TRAPPC14: variants seen among roughly 807,000 people sequenced by gnomAD.
TRAPPC14 encodes trafficking protein particle complex subunit 14, also known as microtubule associated protein 11.
A neutral mutation model predicts 56.6 loss-of-function variants in TRAPPC14; 24 were observed. The observed-to-expected ratio is 0.42, with a 90% confidence interval of 0.31 to 0.60. The LOEUF is 0.60. Among genes scored for constraint, TRAPPC14 ranks in the 20% least tolerant of loss-of-function variants. The pLI, the probability that TRAPPC14 is intolerant of heterozygous loss-of-function variation, is 0.14. For synonymous variants in TRAPPC14, 377 were observed against 347.0 expected, an observed-to-expected ratio of 1.09 and a Z score of -0.96; for missense variants, 615 against 790.3, an observed-to-expected ratio of 0.78 and a Z score of 2.66.
At chr7:100,156,218 G>C (rs937618649) in intron 8 of TRAPPC14, 168 bp downstream of exon 8, 5 of 653,122 alleles carry the variant, frequency 7.7e-6, no homozygotes, top group Non-Finnish European at 1.3e-5. Flanking sequence ...TCTCCATCTA[G>C]GACACTGGGG....
intron 7 of TRAPPC14, 28 bp from the exon 8 acceptor site, chr7:100,156,577 CTGTG>C (rs751363451): frequency 5.6e-6 from 9 of 1,612,764 alleles, no homozygotes; most frequent in South Asian, 2.2e-5. Flanking sequence ...GGGATGCTGG[CTGTG>C]TGTGTCAGGC....
chr7:100,157,178 C>A lies in TRAPPC14; in HGVS notation c.761G>T (p.Trp254Leu). Residue 254 changes from tryptophan to leucine, a missense_variant, in exon 5 of 11, where the codon TGG (tryptophan) becomes TTG (leucine). Coordinates refer to ENST00000316937, the MANE Select transcript of TRAPPC14 (RefSeq NM_018275.5). ...NSSSQEEISI[W>L]DIRILPNFNA... is the part of the protein sequence containing the mutation. The stretch of plus-strand genomic sequence containing the variant: ...GAAGTTGGGGAGGATTCGGATATCC[C>A]AGATGGAGATTTCCTCCTGAGAGGA... The A allele has an allele frequency of 6.2e-7, 1 of 1,614,150 alleles. No homozygotes were observed. Among genetic ancestry groups the A allele is most frequent in the South Asian group, 1.1e-5 (1 of 91,062 alleles).
Position 100,156,992 on chromosome 7 carries a change from A to T in TRAPPC14, c.846T>A (p.Cys282Ter), listed in dbSNP as rs1486798931. The change falls in exon 6 of 11, where the codon TGT (cysteine) becomes TGA (stop). Residue 282 changes from cysteine (C) to a stop codon, truncating the protein, a stop_gained and splice_region_variant. Coordinates refer to ENST00000316937, the MANE Select transcript of TRAPPC14 (RefSeq NM_018275.5). LOFTEE classifies it high-confidence loss of function. ...CCATGGAGACTTCCCCAGACTGGTG[A>T]CTAGCTCAGAAAAGAGGACAAGGCA... ...DGSVLLVDNVCHQSGEVSMGS... is the reference protein window; with the variant it reads ...DGSVLLVDNV 1 of 1,614,032 alleles carries T rather than the reference A, an allele frequency of 6.2e-7. No individual in the cohort carries two copies. The highest frequency in any genetic ancestry group is 8.5e-7 in the Non-Finnish European group (1 of 1,179,968).
At chr7:100,156,240 G>T (rs1199707565) in intron 8 of TRAPPC14, 146 bp downstream of exon 8, 1 of 739,614 alleles carries the variant, frequency 1.4e-6, no homozygotes. Context: ...GACCACCCAG[G>T]TACAGGGCGG....
chr7:100,156,866 C>G lies in TRAPPC14; in HGVS notation c.972G>C (p.Gln324His). 1 of 1,614,096 alleles carries G rather than the reference C, an allele frequency of 6.2e-7. No homozygotes were observed. Among genetic ancestry groups the G allele is most frequent in the Non-Finnish European group, 8.5e-7 (1 of 1,180,024 alleles). The change falls in exon 6 of 11, where the codon CAG becomes CAC. Residue 324 changes from glutamine (Q) to histidine (H), a missense_variant. Gln to His is a conservative substitution (Grantham distance 24). Coordinates refer to ENST00000316937, the MANE Select transcript of TRAPPC14 (RefSeq NM_018275.5). ...NFLFQLRGGEQPPPGAKEGLE... is the reference protein window; with the variant it reads ...NFLFQLRGGEHPPPGAKEGLE... ...TCACCTCCTTGGCCCCTGGAGGGGG[C>G]TGCTCACCCCCTCTCAGCTGAAACA...
chr7:100,156,648 G>T lies in TRAPPC14; in HGVS notation c.1062C>A (p.Ile354=). The change falls in exon 7 of 11, where the codon ATC becomes ATA. Residue 354 remains isoleucine, a synonymous_variant. Transcript: ENST00000316937. ...STPKLPFTQS[I]YTHYRLPSVR... ...TCCACACTCACCGGTAGTGGGTGTA[G>T]ATGCTCTGAGTGAAGGGCAGCTTTG... is the stretch of plus-strand genomic sequence containing the variant. 6.2e-7 allele frequency: 1 copy of T among 1,612,640 alleles called. No homozygotes were observed. Among genetic ancestry groups the T allele is most frequent in the Middle Eastern group, 1.7e-4 (1 of 6,056 alleles).
At position 100,158,194 on chromosome 7, in the gene TRAPPC14, C is replaced by T. The variant is rs759151821; in HGVS notation, c.306G>A (p.Ser102=). The T allele has an allele frequency of 1.9e-5, 27 of 1,456,546 alleles. No individual in the cohort carries two copies. In the South Asian group the frequency reaches 3.5e-4, roughly 19 times the overall value. The allele number at this position is 1,456,546 out of a possible 1,614,324, so 90.2% of individuals were successfully genotyped here. ...PGGGGAGDQD[S]EPPGGGDPGG... is the part of the protein sequence containing the mutation. ...CAGGATCCCCTCCCCCTGGGGGCTC[C>T]GAATCCTGGTCGCCGGCGCCGCCGC... The change falls in exon 1 of 11, where the codon TCG becomes TCA. Residue 102 remains serine, a synonymous_variant. Coordinates refer to ENST00000316937, the MANE Select transcript of TRAPPC14 (RefSeq NM_018275.5).
chr7:100,155,640 C>T, intron 9 of TRAPPC14, 31 bp downstream of exon 9: 1 of 1,566,696 alleles, frequency 6.4e-7, no homozygotes. Flanking sequence ...CTGCATCACT[C>T]AGCACTCAGC....
rs1236455413 is a variant in TRAPPC14, at chr7:100,154,942, C to A, written c.*69G>T. The A allele has an allele frequency of 6.5e-7, 1 of 1,539,754 alleles. No homozygotes were observed. Among genetic ancestry groups the A allele is most frequent in the Admixed American group, 1.7e-5 (1 of 59,598 alleles). Reference sequence around the variant, plus strand: ...GAGGCATCCCAGGGGAGGCACAGCCCGGGAGCAGGGATCCCCTCTGGGGGC... The same window carrying A: ...GAGGCATCCCAGGGGAGGCACAGCCAGGGAGCAGGGATCCCCTCTGGGGGC... On this transcript the variant is annotated 3_prime_UTR_variant, in exon 11 of 11. Coordinates refer to ENST00000316937, the MANE Select transcript of TRAPPC14 (RefSeq NM_018275.5).
chr7:100,155,186 G>A (rs1466211661), intron 10 of TRAPPC14, 22 bp from the exon 11 acceptor site: 2 of 1,609,390 alleles, frequency 1.2e-6, no homozygotes, highest in East Asian at 2.2e-5. Flanking sequence ...CAGAGGCTGT[G>A]GGCGCTGGTC....
At chr7:100,156,064 G>A (rs1798873634) in intron 8 of TRAPPC14, 1 of 690,046 alleles carries the variant, frequency 1.4e-6, no homozygotes, top group African/African-American at 1.7e-5. Context: ...CTATTTTAAA[G>A]GTGAGGACTC....
intron 3 of TRAPPC14, 43 bp downstream of exon 3, chr7:100,157,590 A>G (rs1342059027): frequency 1.2e-6 from 2 of 1,610,276 alleles, no homozygotes; most frequent in Non-Finnish European, 1.7e-6. Flanking sequence ...CTGTCCCCCA[A>G]TTCCCAGACT....
In TRAPPC14 at chr7:100,155,140, T is replaced by G; in HGVS notation, c.1614A>C (p.Arg538Ser). ...LMRSGSVMER[R>S]AITPPVASPV... The stretch of plus-strand genomic sequence containing the variant: ...GAGAGGCCACAGGGGGCGTGATGGC[T>G]CTGCGCTCCATCACACTGCCCGACC... Residue 538 changes from arginine to serine, a missense_variant, in exon 11 of 11, where the codon AGA becomes AGC. Arg to Ser is a moderately radical substitution (Grantham distance 110, BLOSUM62 -1). Coordinates refer to ENST00000316937, the MANE Select transcript of TRAPPC14 (RefSeq NM_018275.5). The G allele has an allele frequency of 1.9e-6, 3 of 1,612,722 alleles. No individual in the cohort carries two copies. Among genetic ancestry groups the G allele is most frequent in the Non-Finnish European group, 2.5e-6 (3 of 1,179,348 alleles).
chr7:100,158,460 C>T lies in TRAPPC14; in HGVS notation c.40G>A (p.Val14Met). The change falls in exon 1 of 11, where the codon GTG becomes ATG. Residue 14 changes from valine (V) to methionine (M), a missense_variant. By Grantham distance (21) the Val-to-Met change is conservative. Transcript: ENST00000316937. ...AGCTCCGCGCGCGGCGGCAGCGGCA[C>T]GGCCGGGAAGTACATCGAGTAGTCG... Reference protein sequence around the residue: ...QCDYSMYFPAVPLPPRAELAG... With the variant: ...QCDYSMYFPAMPLPPRAELAG... The T allele has an allele frequency of 7.2e-7, 1 of 1,388,546 alleles. No individual in the cohort carries two copies. The highest frequency in any genetic ancestry group is 9.3e-7 in the Non-Finnish European group (1 of 1,074,202). 86.0% of individuals were successfully genotyped at this position (1,388,546 alleles called of 1,614,324 possible).
At chr7:100,156,347 C>G in intron 8 of TRAPPC14, 39 bp downstream of exon 8, 1 of 1,607,276 alleles carries the variant, frequency 6.2e-7, no homozygotes, top group Non-Finnish European at 8.5e-7. Flanking sequence ...TTCTCTTCCC[C>G]TCCCTGGGGA....
At position 100,154,561 on chromosome 7, in the gene TRAPPC14, T is replaced by C. The variant is rs539477437; in HGVS notation, c.*450A>G. ...TAAACATAAGGGGCAGGAGGCTACC[T>C]GGCCCTGTCCCCAACCCCTGAGACA... On this transcript the variant is annotated 3_prime_UTR_variant, in exon 11 of 11. Transcript: ENST00000316937. 10 of 210,162 alleles carry C rather than the reference T, an allele frequency of 4.8e-5. No individual in the cohort carries two copies. In the South Asian group the frequency reaches 6.9e-4, roughly 15 times the overall value. 13.0% of individuals were successfully genotyped at this position (210,162 alleles called of 1,614,324 possible).
chr7:100,155,609 G>T lies in TRAPPC14; in HGVS notation c.1395+62C>A, dbSNP rs1481260249. ...TTCATCCCCAAAATCTAAGGGTCCT[G>T]CCTCCGTCCACCCCAGCATTCTGCA... On this transcript the variant is annotated intron_variant, in intron 9 of 10. Coordinates refer to ENST00000316937, the MANE Select transcript of TRAPPC14 (RefSeq NM_018275.5). The T allele has an allele frequency of 5.2e-6, 8 of 1,525,546 alleles. No individual in the cohort carries two copies. In the East Asian group the frequency reaches 1.8e-4, roughly 35 times the overall value. The allele number at this position is 1,525,546 out of a possible 1,614,324, so 94.5% of individuals were successfully genotyped here. A position where few individuals can be genotyped will look rare whatever the true frequency, so the allele number is the denominator to read the frequency against.
chr7:100,154,605 G>A lies in TRAPPC14; in HGVS notation c.*406C>T. 4.1e-6 allele frequency: 1 copy of A among 246,712 alleles called. No individual in the cohort carries two copies. Among genetic ancestry groups the A allele is most frequent in the South Asian group, 4.7e-5 (1 of 21,124 alleles). The allele number at this position is 246,712 out of a possible 1,614,324, so 15.3% of individuals were successfully genotyped here. On this transcript the variant is annotated 3_prime_UTR_variant, in exon 11 of 11. Coordinates refer to ENST00000316937, the MANE Select transcript of TRAPPC14 (RefSeq NM_018275.5). ...TGAGACAGGAAGGTCACTGTCAGGG[G>A]CCCTTAGCCATCACCACCCTCTAAT...
chr7:100,156,816 C>T, intron 6 of TRAPPC14, 29 bp downstream of exon 6: 1 of 1,612,096 alleles, frequency 6.2e-7, no homozygotes, highest in Non-Finnish European at 8.5e-7. Context: ...TATCACTTTT[C>T]TTTGAACACA....
Sources: allele counts gnomAD v4.1 joint callset, GRCh38; gene constraint gnomAD v4.1.1; transcripts MANE v1.5; gene names NCBI Gene and HGNC (gene_info 2026-07-23, HGNC 2026-07-21).